The following G6PD variants were observed in gnomAD, a reference collection of about 807,000 sequenced individuals.
G6PD encodes glucose-6-phosphate dehydrogenase.
In G6PD, 2 loss-of-function variants were observed where a neutral mutation model predicts 38.2. The observed-to-expected ratio is 0.05, with a 90% confidence interval of 0.02 to 0.16. The LOEUF is 0.16. Among genes scored for constraint, G6PD ranks in the 10% least tolerant of loss-of-function variants. The pLI is 1.00. For synonymous variants in G6PD, 188 were observed against 196.0 expected, an observed-to-expected ratio of 0.96 and a Z score of 0.34; for missense variants, 310 against 471.6, an observed-to-expected ratio of 0.66 and a Z score of 3.17.
In G6PD at chrX:154,534,077, G is replaced by C. The variant is rs1557230201; in HGVS notation, c.728C>G (p.Thr243Ser). Residue 243 changes from threonine to serine, a missense_variant, in exon 7 of 13, where the codon ACT (threonine) becomes AGT (serine). Thr to Ser is a moderately conservative substitution (Grantham distance 58). This residue lies in a region of G6PD where 168 missense variants were observed against 309.2 expected (regional missense o/e 0.54). Transcript: ENST00000393562. ...ATCGAAATAGCCCCCGCGACCCTCA[G>C]TGCCAAAGGGCTCCTTGAAGGTGAG... ...VILTFKEPFG[T>S]EGRGGYFDEF... 2 of 1,211,889 alleles carry C rather than the reference G, an allele frequency of 1.7e-6. No individual in the cohort carries two copies. The highest frequency in any genetic ancestry group is 3.5e-5 in the South Asian group (2 of 57,027).
rs1049521635 is a variant in G6PD at position 154,533,218 on chromosome X, G to A, written c.865-90C>T. ...TGGCCACAGATGTGCAGCCCTCAGG[G>A]CAGGAGGAGGCCCCTGCTTGGCTCT... On this transcript the variant is annotated intron_variant, in intron 8 of 12. Transcript: ENST00000393562. The A allele has an allele frequency of 8.0e-6, 8 of 1,005,942 alleles. No homozygotes were observed. The African/African-American group carries it at 1.3e-4, about 16-fold the overall frequency. 82.9% of individuals were successfully genotyped at this position (1,005,942 alleles called of 1,213,427 possible).
Position 154,531,536 on chromosome X carries a change from G to A in G6PD, c.*464C>T, listed in dbSNP as rs1557229221. The A allele has an allele frequency of 5.7e-6, 1 of 175,814 alleles. No individual in the cohort carries two copies. The allele number at this position is 175,814 out of a possible 1,213,427, so 14.5% of individuals were successfully genotyped here. On this transcript the variant is annotated 3_prime_UTR_variant, in exon 13 of 13. Coordinates refer to ENST00000393562, the MANE Select transcript of G6PD (RefSeq NM_001360016.2). ...GTTGGTGGGACAGGGGACATCCAGGGGGCTCGAGATGTTGCTGGTGACAAG... is the reference window on the plus strand; with the variant it reads ...GTTGGTGGGACAGGGGACATCCAGGAGGCTCGAGATGTTGCTGGTGACAAG...
rs782065240 is a variant in G6PD at position 154,535,960 on chromosome X, T to G, written c.244A>C (p.Lys82Gln). The G allele has an allele frequency of 7.4e-6, 9 of 1,209,306 alleles. No homozygotes were observed. In the African/African-American group the frequency reaches 1.6e-4, roughly 21 times the overall value. The stretch of plus-strand genomic sequence containing the variant: ...ACCTTGAAGAAGGGCTCACTCTGTT[T>G]GCGGATGTCAGCCACTGTGAGGCGG... The part of the protein sequence containing the change: ...RSRLTVADIR[K>Q]QSEPFFKATP... Residue 82 changes from lysine to glutamine, a missense_variant, in exon 4 of 13, where the codon AAA becomes CAA. Transcript: ENST00000393562.
rs1479839647 is a variant in G6PD, at chrX:154,546,750, A to C, written c.-9+39T>G. ...GCCGCGCGGCGCAGCGCGGGACAGT[A>C]CGCTCCTCCGCCTGCGCGGCGCCCG... On this transcript the variant is annotated intron_variant, in intron 1 of 12. Coordinates refer to ENST00000393562, the MANE Select transcript of G6PD (RefSeq NM_001360016.2). 10 of 1,076,526 alleles carry C rather than the reference A, an allele frequency of 9.3e-6. No homozygotes were observed. In the African/African-American group the frequency reaches 1.9e-4, roughly 20 times the overall value. 88.7% of individuals were successfully genotyped at this position (1,076,526 alleles called of 1,213,427 possible).
chrX:154,538,263 G>C (rs2070433353), intron 2 of G6PD, among the ~76,000 whole-genome samples: 1 of 111,321 alleles, frequency 9.0e-6, no homozygotes, highest in African/African-American at 3.3e-5. Context: ...CCAAAGTGTT[G>C]GGATTACAGG....
chrX:154,544,498 T>G (rs1278109767), intron 2 of G6PD, among the ~76,000 whole-genome samples: 2 of 112,432 alleles, frequency 1.8e-5, no homozygotes, highest in African/African-American at 6.5e-5. Context: ...TTTCGCCATG[T>G]TGGCCAGGCT....
chrX:154,545,241 T>C (rs1261750565), intron 2 of G6PD, among the ~76,000 whole-genome samples: 1 of 110,881 alleles, frequency 9.0e-6, no homozygotes, highest in African/African-American at 3.3e-5. Context: ...AGCTGGACAA[T>C]TGGGGCCAGG....
At chrX:154,541,259 G>A (rs1214004089) in intron 2 of G6PD, 2 of 111,975 alleles carry the variant, frequency 1.8e-5, no homozygotes, top group African/African-American at 3.3e-5. Flanking sequence ...GCAACCCCAC[G>A]CTCCAGGCCG....
rs1053846676 is a variant in G6PD, at chrX:154,545,032, T to C, written c.120+1004A>G. On this transcript the variant is annotated intron_variant, in intron 2 of 12. Coordinates refer to ENST00000393562, the MANE Select transcript of G6PD (RefSeq NM_001360016.2). ...TGCATCCAGGGTTAAAAGTGAAAAC[T>C]GAGACCACGTGTAATTTGAGATGAA... Among the ~76,000 whole-genome samples the C allele has an allele frequency of 5.4e-5, 6 of 111,804 alleles. No individual in the cohort carries two copies. In the Admixed American group the frequency reaches 5.7e-4, roughly 11 times the overall value.
At chrX:154,542,474 C>T in intron 2 of G6PD, 1 of 1,166,184 alleles carries the variant, frequency 8.6e-7, no homozygotes, top group South Asian at 2.0e-5. Context: ...GGCTCCCTTT[C>T]TGGTAGGGGT....
intron 2 of G6PD, chrX:154,542,203 C>A: frequency 2.6e-6 from 2 of 761,145 alleles, no homozygotes; most frequent in African/African-American, 4.2e-5. Context: ...AGGCGGGGGC[C>A]GCTGGGTCAT....
chrX:154,532,571 T>C lies in G6PD; in HGVS notation c.1283A>G (p.Tyr428Cys), dbSNP rs782034987. Reference protein sequence around the residue: ...SELDLTYGNRYKNVKLPDAYE... With the variant: ...SELDLTYGNRCKNVKLPDAYE... ...TGCTCCTTCTCTGTAGGGCACCTTGTATCTGTTGCCGTAGGTCAGGTCCAG... is the reference window on the plus strand; with the variant it reads ...TGCTCCTTCTCTGTAGGGCACCTTGCATCTGTTGCCGTAGGTCAGGTCCAG... The change falls in exon 10 of 13, where the codon TAC (tyrosine) becomes TGC (cysteine). Residue 428 changes from tyrosine (Y) to cysteine (C), a missense_variant. Transcript: ENST00000393562. The C allele has an allele frequency of 8.3e-7, 1 of 1,211,939 alleles. No individual in the cohort carries two copies.
At chrX:154,533,292 C>CA in intron 8 of G6PD, 164 bp from the exon 9 acceptor site, 1 of 566,438 alleles carries the variant, frequency 1.8e-6, no homozygotes, top group Non-Finnish European at 2.9e-6. Context: ...GAGGACCCTC[C>CA]AGGACCACCC....
At chrX:154,533,487 C>T (rs943764534) in intron 8 of G6PD, 89 bp downstream of exon 8, 4 of 1,113,660 alleles carry the variant, frequency 3.6e-6, no homozygotes, top group Non-Finnish European at 4.9e-6. Context: ...TTGAGGACAC[C>T]TGCTCTGCAT....
intron 7 of G6PD, 43 bp from the exon 8 acceptor site, chrX:154,533,712 T>C (rs201589777): frequency 3.3e-6 from 4 of 1,207,188 alleles, no homozygotes; most frequent in African/African-American, 3.5e-5. Context: ...CTCCCCGCCC[T>C]GTTCACCTGG....
In G6PD at chrX:154,535,393, A is replaced by T. The variant is rs2070396229; in HGVS notation, c.268-8T>A. 2 of 1,188,545 alleles carry T rather than the reference A, an allele frequency of 1.7e-6. No homozygotes were observed. Among genetic ancestry groups the T allele is most frequent in the African/African-American group, 3.5e-5 (2 of 56,750 alleles). ...CTTCTCCTCTGGGGTGGCCTGGGAG[A>T]CACGGACAGACAGACACACAGACAG... On this transcript the variant is annotated splice_polypyrimidine_tract_variant and splice_region_variant and intron_variant, in intron 4 of 12. Transcript: ENST00000393562.
At chrX:154,545,996 A>G (rs1557233126) in intron 2 of G6PD, 40 bp downstream of exon 2, 3 of 1,206,993 alleles carry the variant, frequency 2.5e-6, no homozygotes, top group Non-Finnish European at 3.4e-6. Flanking sequence ...TGGAGCAGGC[A>G]CTTCCTGGCT....
chrX:154,534,463 G>C lies in G6PD; in HGVS notation c.519C>G (p.Phe173Leu), dbSNP rs200111236. The C allele has an allele frequency of 8.3e-7, 1 of 1,211,865 alleles. No homozygotes were observed. The change falls in exon 6 of 13, where the codon TTC (phenylalanine) becomes TTG (leucine). Residue 173 changes from phenylalanine to leucine, a missense_variant. This residue lies in a region of G6PD where 96 missense variants were observed against 93.3 expected (regional missense o/e 1.03). Transcript: ENST00000393562. ...GGTCAGAGCTCTGCAGGTCCCTCCC[G>C]AAGGGCTTCTCCACGATGATGCGGT... ...GWNRIIVEKPFGRDLQSSDRL... is the reference protein window; with the variant it reads ...GWNRIIVEKPLGRDLQSSDRL...
upstream of G6PD, chrX:154,547,012 T>G: frequency 4.7e-6 from 1 of 213,090 alleles, no homozygotes; most frequent in Non-Finnish European, 8.2e-6. Context: ...GGCCAGCCCC[T>G]GCCTCTCGGG....
Sources: gnomAD v4.1 joint callset for allele counts (sites outside exome capture counted in the v4.1 genomes callset) on GRCh38, gnomAD v4.1.1 for gene constraint, gnomAD v4.1.1 regional missense constraint, MANE v1.5 for transcripts, NCBI Gene and HGNC (gene_info 2026-07-23, HGNC 2026-07-21) for gene names.